CNNM2: variants seen among roughly 807,000 people sequenced by gnomAD.
CNNM2 encodes cyclin and CBS domain divalent metal cation transport mediator 2.
In CNNM2, 12 loss-of-function variants were observed where a neutral mutation model predicts 66.9. The ratio of observed to expected loss-of-function variants is 0.18; its 90% CI spans 0.11 to 0.29. CNNM2 has a LOEUF of 0.29. CNNM2 is among the 10% of genes least tolerant of loss of function. The pLI is 1.00. For synonymous variants in CNNM2, 557 were observed against 501.8 expected, an observed-to-expected ratio of 1.11 and a Z score of -1.47; for missense variants, 705 against 1,167.7, an observed-to-expected ratio of 0.60 and a Z score of 5.77.
chr10:102,955,376 A>T (rs1846995098), intron 1 of CNNM2, among the ~76,000 whole-genome samples: 1 of 152,232 alleles, frequency 6.6e-6, no homozygotes, highest in South Asian at 2.1e-4. Flanking sequence ...AATTAATTCA[A>T]GGTGGATTAA....
rs962202366 is a variant in CNNM2 at position 102,960,001 on chromosome 10, G to A, written c.1621+39900G>A. Reference sequence around the variant, plus strand: ...CGGGAGGTGGAGCTTGCAGTGAGCCGAGATCACACCACCCCACTCCAACCT... The same window carrying A: ...CGGGAGGTGGAGCTTGCAGTGAGCCAAGATCACACCACCCCACTCCAACCT... On this transcript the variant is annotated intron_variant, in intron 1 of 7. Coordinates refer to ENST00000369878, the MANE Select transcript of CNNM2 (RefSeq NM_017649.5). 4.0e-5 allele frequency among the ~76,000 whole-genome samples: 6 copies of A among 150,590 alleles called. No individual in the cohort carries two copies. In the South Asian group the frequency reaches 6.3e-4, roughly 16 times the overall value.
chr10:102,984,316 A>G (rs1364214224), intron 1 of CNNM2, among the ~76,000 whole-genome samples: 1 of 152,162 alleles, frequency 6.6e-6, no homozygotes, highest in African/African-American at 2.4e-5. Context: ...ATAAACAATT[A>G]TAGGGTTTTT....
intron 1 of CNNM2, among the ~76,000 whole-genome samples, chr10:102,979,517 A>G (rs2134228077): frequency 6.6e-6 from 1 of 152,022 alleles, no homozygotes; most frequent in Non-Finnish European, 1.5e-5. Context: ...CTGTCCCTTT[A>G]TTTTGCATTA....
In CNNM2 at chr10:102,958,469, T is replaced by G. The variant is rs1034875714; in HGVS notation, c.1621+38368T>G. Reference sequence around the variant, plus strand: ...GAATTCAAGCAACTTGTTTTTTTTTTTTTTTTTTTTTTTTTTTTTTGAGAT... The same window carrying G: ...GAATTCAAGCAACTTGTTTTTTTTTGTTTTTTTTTTTTTTTTTTTTGAGAT... On this transcript the variant is annotated intron_variant, in intron 1 of 7. Transcript: ENST00000369878. 6.7e-5 allele frequency among the ~76,000 whole-genome samples: 8 copies of G among 118,668 alleles called. No homozygotes were observed. In the East Asian group the frequency reaches 7.3e-4, roughly 11 times the overall value. 77.9% of individuals were successfully genotyped at this position (118,668 alleles called of 152,430 possible). A position where few individuals can be genotyped will look rare whatever the true frequency, so the allele number is the denominator to read the frequency against.
chr10:102,980,122 GCAGGCTGGTCTCAGACGCCATGTTGGC>G (rs1451633431), intron 1 of CNNM2, among the ~76,000 whole-genome samples: 98 of 152,052 alleles, frequency 6.4e-4, no homozygotes, highest in Non-Finnish European at 1.3e-3. Context: ...CGCCATGTTG[GCAGGCTGGTCTCAGACGCCATGTTGGC>G]CAGGCTGGTC....
At chr10:102,976,286 G>A (rs1392076517) in intron 1 of CNNM2, among the ~76,000 whole-genome samples, 1 of 152,092 alleles carries the variant, frequency 6.6e-6, no homozygotes, top group Non-Finnish European at 1.5e-5. Context: ...ATTTAGTAGA[G>A]TAGTGCAGAA....
At chr10:102,930,998 T>C (rs1283741086) in intron 1 of CNNM2, among the ~76,000 whole-genome samples, 1 of 152,218 alleles carries the variant, frequency 6.6e-6, no homozygotes, top group Non-Finnish European at 1.5e-5. Flanking sequence ...TCTATGAACA[T>C]TGGTGTGCAT....
intron 1 of CNNM2, among the ~76,000 whole-genome samples, chr10:102,944,801 A>G (rs1042344122): frequency 6.6e-6 from 1 of 152,134 alleles, no homozygotes; most frequent in African/African-American, 2.4e-5. Context: ...GTCCACATTC[A>G]TTCACTTGGC....
chr10:103,054,473 G>A lies in CNNM2; in HGVS notation c.1903+7G>A. 1 of 1,613,552 alleles carries A rather than the reference G, an allele frequency of 6.2e-7. No homozygotes were observed. Among genetic ancestry groups the A allele is most frequent in the Non-Finnish European group, 8.5e-7 (1 of 1,179,674 alleles). Reference sequence around the variant, plus strand: ...CACCGTTTCCTAGCAACAGGCAAGTGCAGCTTATCACAGTTTGAGATCTCT... The same window carrying A: ...CACCGTTTCCTAGCAACAGGCAAGTACAGCTTATCACAGTTTGAGATCTCT... On this transcript the variant is annotated splice_region_variant and intron_variant, in intron 3 of 7. Transcript: ENST00000369878. This position sits in a 1 kb window ranked among gnomAD's most constrained non-coding sequence, Gnocchi z 5.2.
intron 3 of CNNM2, 75 bp from the exon 4 acceptor site, chr10:103,056,720 C>A (rs1416947027): frequency 2.2e-6 from 3 of 1,357,734 alleles, no homozygotes; most frequent in African/African-American, 1.5e-5. Flanking sequence ...TATCTAAACA[C>A]CTCAATTACT....
At chr10:103,043,957 A>G (rs147621832) in intron 1 of CNNM2, among the ~76,000 whole-genome samples, 1 of 152,360 alleles carries the variant, frequency 6.6e-6, no homozygotes, top group East Asian at 1.9e-4. Context: ...GTGTACAGCA[A>G]GATCTCTTAC....
intron 1 of CNNM2, among the ~76,000 whole-genome samples, chr10:103,037,307 G>A (rs1273700161): frequency 6.7e-6 from 1 of 149,712 alleles, no homozygotes; most frequent in East Asian, 1.9e-4. Context: ...CATTTTCATA[G>A]AGGGGGGCCT....
At chr10:102,946,105 A>G (rs938835509) in intron 1 of CNNM2, among the ~76,000 whole-genome samples, 19 of 152,224 alleles carry the variant, frequency 1.2e-4, no homozygotes, top group Non-Finnish European at 5.9e-5. Flanking sequence ...TCCTTCAGGA[A>G]CATGGGGGAA....
intron 1 of CNNM2, among the ~76,000 whole-genome samples, chr10:103,015,381 A>T (rs1017646349): frequency 6.6e-5 from 10 of 152,166 alleles, no homozygotes; most frequent in Non-Finnish European, 8.8e-5. Context: ...AATTCTGCAG[A>T]CCCTACTCAA....
At chr10:103,023,686 A>G (rs1334666360) in intron 1 of CNNM2, among the ~76,000 whole-genome samples, 1 of 152,186 alleles carries the variant, frequency 6.6e-6, no homozygotes, top group Non-Finnish European at 1.5e-5. Flanking sequence ...CATTTCAACA[A>G]GAGATTTGGA....
At chr10:102,944,695 G>T (rs1232660920) in intron 1 of CNNM2, among the ~76,000 whole-genome samples, 1 of 151,420 alleles carries the variant, frequency 6.6e-6, no homozygotes, top group African/African-American at 2.4e-5. Flanking sequence ...AAACACTTCA[G>T]CATGTATCTC....
intron 1 of CNNM2, among the ~76,000 whole-genome samples, chr10:102,940,485 C>A (rs923149115): frequency 1.4e-5 from 2 of 144,994 alleles, no homozygotes; most frequent in African/African-American, 2.7e-5. Context: ...CTGGCGCAAT[C>A]TCGGCTCACT....
Position 103,088,260 on chromosome 10 carries a change from A to G in CNNM2, c.*11080A>G, listed in dbSNP as rs1292135050. 1 of 152,262 alleles carries G rather than the reference A, an allele frequency of 6.6e-6. No individual in the cohort carries two copies. Among genetic ancestry groups the G allele is most frequent in the Non-Finnish European group, 1.5e-5 (1 of 68,040 alleles). 9.4% of individuals were successfully genotyped at this position (152,262 alleles called of 1,614,324 possible). A position where few individuals can be genotyped will look rare whatever the true frequency, so the allele number is the denominator to read the frequency against. ...TATACAATGGTTAAAGAAAGAGTCTATAACCACTGTTTGTTTAAAATGTTG... is the reference window on the plus strand; with the variant it reads ...TATACAATGGTTAAAGAAAGAGTCTGTAACCACTGTTTGTTTAAAATGTTG... On this transcript the variant is annotated 3_prime_UTR_variant, in exon 8 of 8. Transcript: ENST00000369878.
intron 1 of CNNM2, among the ~76,000 whole-genome samples, chr10:102,931,462 A>C (rs937600234): frequency 2.0e-5 from 3 of 147,462 alleles, no homozygotes; most frequent in Admixed American, 1.4e-4. Flanking sequence ...GGTTCAAGTG[A>C]TTCTCCTGCC....
Sources: gnomAD v4.1 joint callset for allele counts (sites outside exome capture counted in the v4.1 genomes callset) on GRCh38, gnomAD v4.1.1 for gene constraint, Gnocchi (gnomAD v3.1) non-coding constraint, MANE v1.5 for transcripts, NCBI Gene and HGNC (gene_info 2026-07-23, HGNC 2026-07-21) for gene names.